Variants in POMGNT1 observed in about 807,000 individuals in gnomAD.
The protein encoded by POMGNT1 is protein O-linked-mannose beta-1,2-N-acetylglucosaminyltransferase 1.
POMGNT1 carries 67 observed loss-of-function variants against 95.6 expected under a neutral mutation model. The ratio of observed to expected loss-of-function variants is 0.70; its 90% CI spans 0.58 to 0.86. POMGNT1 has a LOEUF of 0.86. POMGNT1 is among the 40% of genes least tolerant of loss of function. POMGNT1 has a pLI of 0.00. For synonymous variants in POMGNT1, 298 were observed against 317.9 expected (o/e 0.94, Z 0.66); for missense variants, 719 against 855.2 (o/e 0.84, Z 1.99).
chr1:46,205,755 T>C (rs1002976519), intron 1 of POMGNT1, among the ~76,000 whole-genome samples: 1 of 152,248 alleles, frequency 6.6e-6, no homozygotes, highest in Non-Finnish European at 1.5e-5. Flanking sequence ...ATCCTATTTT[T>C]TCTCCTTCCT....
intron 19 of POMGNT1, 59 bp from the exon 20 acceptor site, chr1:46,190,048 A>T: frequency 6.3e-7 from 1 of 1,598,118 alleles, no homozygotes; most frequent in East Asian, 2.2e-5. Context: ...GGTGTGTCCC[A>T]CAGGACCCTG....
At chr1:46,208,566 G>A (rs1031196531) in intron 1 of POMGNT1, among the ~76,000 whole-genome samples, 6 of 152,274 alleles carry the variant, frequency 3.9e-5, no homozygotes, top group Admixed American at 6.5e-5. Context: ...ATTGAGGGCC[G>A]GCACGGTGGC....
Position 46,218,994 on chromosome 1 carries a change from G to A in POMGNT1, c.-51+711C>T, listed in dbSNP as rs935008520. Among the ~76,000 whole-genome samples, 17 of 152,060 alleles carry A rather than the reference G, an allele frequency of 1.1e-4. 1 individual carries two copies. The highest frequency in any genetic ancestry group is 4.1e-4 in the African/African-American group (17 of 41,392). On this transcript the variant is annotated intron_variant, in intron 1 of 22. Coordinates refer to the POMGNT1 transcript ENST00000371992. ...ATGTCTTTCTGGTGAATATGGGCAGGCTCAATAGTCAGTACCCTGTGGCTG... is the reference window on the plus strand; with the variant it reads ...ATGTCTTTCTGGTGAATATGGGCAGACTCAATAGTCAGTACCCTGTGGCTG...
At chr1:46,213,890 C>T (rs1557685734) in intron 1 of POMGNT1, among the ~76,000 whole-genome samples, 1 of 151,930 alleles carries the variant, frequency 6.6e-6, no homozygotes. Flanking sequence ...CTTTAGACCT[C>T]CAATTAAACA....
upstream of POMGNT1, among the ~76,000 whole-genome samples, chr1:46,198,598 G>A (rs116119119): frequency 7.4e-3 from 1,127 of 152,250 alleles, 11 homozygotes; most frequent in Non-Finnish European, 9.9e-3. Context: ...TGCTCAGACC[G>A]TGCTAGGCAG....
Position 46,194,341 on chromosome 1 carries a change from T to C in POMGNT1, c.812A>G (p.Lys271Arg), listed in dbSNP as rs1309929228. ...LNRRRRRFCS[K>R]VEGYGSVCSC... Reference sequence around the variant, plus strand: ...GCATACACTTCCATAGCCCTCAACTTTGCTGCAGAAGCGCCGGCGGCGACG... The same window carrying C: ...GCATACACTTCCATAGCCCTCAACTCTGCTGCAGAAGCGCCGGCGGCGACG... Residue 271 changes from lysine (K) to arginine (R), a missense_variant, in exon 9 of 22, where the codon AAA (lysine) becomes AGA (arginine). Around this residue, in one of 5 missense-constraint regions of POMGNT1, gnomAD observed 466 missense variants for 517.4 expected, o/e 0.90. Transcript: ENST00000371984. 1.2e-6 allele frequency: 2 copies of C among 1,614,200 alleles called. No individual in the cohort carries two copies. The highest frequency in any genetic ancestry group is 4.5e-5 in the East Asian group (2 of 44,876).
chr1:46,196,854 G>C lies in POMGNT1; in HGVS notation c.236-5C>G. The C allele has an allele frequency of 1.2e-6, 2 of 1,614,186 alleles. No homozygotes were observed. The highest frequency in any genetic ancestry group is 1.7e-6 in the Non-Finnish European group (2 of 1,180,036). ...CCAGGCGGCCTAGGGCCTCATCTGT[G>C]GGGTACAACAGGTCATGGAGATAGT... On this transcript the variant is annotated splice_polypyrimidine_tract_variant and splice_region_variant and intron_variant, in intron 3 of 21. Coordinates refer to ENST00000371984, the MANE Select transcript of POMGNT1 (RefSeq NM_017739.4). The surrounding 1 kb of genome is among the most constrained non-coding windows in gnomAD (Gnocchi z 4.4).
intron 18 of POMGNT1, 32 bp downstream of exon 18, chr1:46,190,688 T>A (rs1222355611): frequency 6.3e-7 from 1 of 1,589,982 alleles, no homozygotes; most frequent in Non-Finnish European, 8.6e-7. Context: ...ATCTCCTAGA[T>A]ATCCACCCCT....
Position 46,190,560 on chromosome 1 carries a change from T to G in POMGNT1, c.1605-43A>C, listed in dbSNP as rs201448682. The G allele has an allele frequency of 6.6e-5, 102 of 1,555,648 alleles. No homozygotes were observed. The African/African-American group carries it at 1.2e-3, about 18-fold the overall frequency. On this transcript the variant is annotated intron_variant, in intron 18 of 21. Coordinates refer to ENST00000371984, the MANE Select transcript of POMGNT1 (RefSeq NM_017739.4). ...ATGGGTCAGGGGAGTGGGCAGGCCCTCAGGTCCCATGGGTAGCACTGAGCA... is the reference window on the plus strand; with the variant it reads ...ATGGGTCAGGGGAGTGGGCAGGCCCGCAGGTCCCATGGGTAGCACTGAGCA...
At chr1:46,194,471 C>A in intron 8 of POMGNT1, 70 bp from the exon 9 acceptor site, 1 of 1,614,084 alleles carries the variant, frequency 6.2e-7, no homozygotes, top group Non-Finnish European at 8.5e-7. Flanking sequence ...GGCACACAAT[C>A]AAAGGAATAA....
chr1:46,192,607 C>A lies in POMGNT1; in HGVS notation c.1212-17G>T. The A allele has an allele frequency of 6.2e-7, 1 of 1,613,404 alleles. No individual in the cohort carries two copies. Among genetic ancestry groups the A allele is most frequent in the South Asian group, 1.1e-5 (1 of 90,910 alleles). ...CTCAGGAAACTGAGAGAGGCAGGGT[C>A]AAAGAGTTCAGGGAGGGACAAGGAT... On this transcript the variant is annotated splice_polypyrimidine_tract_variant and intron_variant, in intron 14 of 21. Coordinates refer to ENST00000371984, the MANE Select transcript of POMGNT1 (RefSeq NM_017739.4).
Position 46,193,183 on chromosome 1 carries a change from G to A in POMGNT1, c.1143C>T (p.Asn381=), listed in dbSNP as rs1657925003. 13 of 1,614,218 alleles carry A rather than the reference G, an allele frequency of 8.1e-6. No individual in the cohort carries two copies. The highest frequency in any genetic ancestry group is 1.1e-5 in the Non-Finnish European group (13 of 1,180,046). Residue 381 remains asparagine, a synonymous_variant, in exon 13 of 22, where the codon AAC becomes AAT. Coordinates refer to ENST00000371984, the MANE Select transcript of POMGNT1 (RefSeq NM_017739.4). ...HYKASLTATF[N]LFPEAKFAVV... is the part of the protein sequence containing the mutation. Reference sequence around the variant, plus strand: ...TATCCTTAGTACTCACCGGAAACAGGTTGAAAGTGGCAGTGAGGCTGGCCT... The same window carrying A: ...TATCCTTAGTACTCACCGGAAACAGATTGAAAGTGGCAGTGAGGCTGGCCT...
rs753698616 is a variant in POMGNT1, at chr1:46,189,999, A to G, written c.1650-10T>C. 6.2e-7 allele frequency: 1 copy of G among 1,611,678 alleles called. No individual in the cohort carries two copies. The highest frequency in any genetic ancestry group is 8.5e-7 in the Non-Finnish European group (1 of 1,178,790). On this transcript the variant is annotated splice_polypyrimidine_tract_variant and intron_variant, in intron 19 of 21. Transcript: ENST00000371984. Reference sequence around the variant, plus strand: ...CAGAACCTCAGCCTCACTGCAGTAGAGGGTGGGAGAATATAGCCAAGACAG... The same window carrying G: ...CAGAACCTCAGCCTCACTGCAGTAGGGGGTGGGAGAATATAGCCAAGACAG...
intron 1 of POMGNT1, among the ~76,000 whole-genome samples, chr1:46,204,618 C>G (rs1029697129): frequency 5.3e-5 from 8 of 152,272 alleles, no homozygotes; most frequent in East Asian, 1.9e-4. Flanking sequence ...GCCAGGGCTC[C>G]GACGCCTGAG....
intron 1 of POMGNT1, chr1:46,203,579 C>T (rs1658617415): frequency 6.3e-7 from 1 of 1,580,342 alleles, no homozygotes; most frequent in South Asian, 1.2e-5. Flanking sequence ...CGTCTAGCAC[C>T]GGCCACGACT....
Position 46,194,839 on chromosome 1 carries a change from G to A in POMGNT1, c.652+5C>T, listed in dbSNP as rs771669680. The A allele has an allele frequency of 2.7e-5, 43 of 1,613,878 alleles. No individual in the cohort carries two copies. Among genetic ancestry groups the A allele is most frequent in the Non-Finnish European group, 3.1e-5 (36 of 1,179,966 alleles). On this transcript the variant is annotated splice_donor_5th_base_variant and intron_variant, in intron 7 of 21. Transcript: ENST00000371984. ...TACAGAGTGGATGGCCTCTGATGCC[G>A]GCACCTCCTTTTCGTCCCACGAAGG...
chr1:46,196,817 G>C lies in POMGNT1; in HGVS notation c.268C>G (p.Arg90Gly). The change falls in exon 4 of 22, where the codon CGC becomes GGC. Residue 90 changes from arginine (R) to glycine (G), a missense_variant. Arg to Gly is a moderately radical substitution (Grantham distance 125). Coordinates refer to ENST00000371984, the MANE Select transcript of POMGNT1 (RefSeq NM_017739.4). The surrounding 1 kb of genome is among the most constrained non-coding windows in gnomAD (Gnocchi z 4.4). ...EALGRLEPPR[R>G]RGSGPRRVLD... Reference sequence around the variant, plus strand: ...ACCCGCCGGGGACCACTGCCTCTGCGCCGTGGGGGCTCCAGGCGGCCTAGG... The same window carrying C: ...ACCCGCCGGGGACCACTGCCTCTGCCCCGTGGGGGCTCCAGGCGGCCTAGG... 1 of 1,614,190 alleles carries C rather than the reference G, an allele frequency of 6.2e-7. No individual in the cohort carries two copies. Among genetic ancestry groups the C allele is most frequent in the Non-Finnish European group, 8.5e-7 (1 of 1,180,040 alleles).
chr1:46,211,439 G>GCACACACACA (rs57919535), intron 1 of POMGNT1, among the ~76,000 whole-genome samples: 2 of 78,960 alleles, frequency 2.5e-5, no homozygotes, highest in African/African-American at 7.0e-5. Flanking sequence ...ATGAAAACCT[G>GCACACACACA]CACACACACA....
At position 46,196,092 on chromosome 1, in the gene POMGNT1, A is replaced by G. The variant is rs1300030723; in HGVS notation, c.355-15T>C. 6.2e-7 allele frequency: 1 copy of G among 1,613,908 alleles called. No homozygotes were observed. The highest frequency in any genetic ancestry group is 1.1e-5 in the South Asian group (1 of 91,072). ...TCCTCCAGCACCTACACAGTGGCAG[A>G]GACAAAGTCCAGCTTTTCACTCTGG... On this transcript the variant is annotated splice_polypyrimidine_tract_variant and intron_variant, in intron 4 of 21. Coordinates refer to ENST00000371984, the MANE Select transcript of POMGNT1 (RefSeq NM_017739.4). This position sits in a 1 kb window ranked among gnomAD's most constrained non-coding sequence, Gnocchi z 4.4.
Sources: gnomAD v4.1 joint callset for allele counts (sites outside exome capture counted in the v4.1 genomes callset) on GRCh38, gnomAD v4.1.1 for gene constraint, gnomAD v4.1.1 regional missense constraint, Gnocchi (gnomAD v3.1) non-coding constraint, MANE v1.5 for transcripts, NCBI Gene and HGNC (gene_info 2026-07-23, HGNC 2026-07-21) for gene names.